The following PCCA variants were observed in gnomAD, a reference collection of about 807,000 sequenced individuals.
PCCA encodes propionyl-CoA carboxylase subunit alpha.
Under a neutral mutation model 101.3 loss-of-function variants are expected in PCCA, and 74 were observed. The ratio of observed to expected loss-of-function variants is 0.73; its 90% CI spans 0.61 to 0.89. The LOEUF (loss-of-function observed/expected upper bound fraction) is 0.89, where lower values mean the gene tolerates loss of function less well. PCCA is among the 40% of genes least tolerant of loss of function. PCCA has a pLI of 0.00. For missense variants in PCCA, 891 were observed against 907.0 expected, an observed-to-expected ratio of 0.98 and a Z score of 0.23; for synonymous variants, 294 against 313.6, an observed-to-expected ratio of 0.94 and a Z score of 0.66.
intron 8 of PCCA, among the ~76,000 whole-genome samples, chr13:100,239,485 CTT>C (rs2060994942): frequency 6.6e-6 from 1 of 152,266 alleles, no homozygotes; most frequent in South Asian, 2.1e-4. Flanking sequence ...ACAGTTAAGA[CTT>C]AATATGTTAC....
intron 8 of PCCA, among the ~76,000 whole-genome samples, chr13:100,238,349 G>T (rs1039085920): frequency 2.6e-5 from 4 of 152,106 alleles, no homozygotes; most frequent in South Asian, 2.1e-4. Flanking sequence ...ATATTTTAAT[G>T]CTGTGCTTTA....
chr13:100,517,624 G>A (rs779785250), intron 22 of PCCA, among the ~76,000 whole-genome samples: 2 of 152,182 alleles, frequency 1.3e-5, no homozygotes, highest in Non-Finnish European at 2.9e-5. Flanking sequence ...ACAGGCTCAG[G>A]ACCTCGGGAT....
chr13:100,149,513 T>C (rs2152367493), intron 4 of PCCA: 1 of 152,288 alleles, frequency 6.6e-6, no homozygotes, highest in African/African-American at 2.4e-5. Context: ...TTCAGGATAA[T>C]TTTCATTGGT....
In PCCA at chr13:100,341,973, A is replaced by ATATATATATATATGTATATG. The variant is rs1257478273; in HGVS notation, c.1643+1723_1643+1724insATATGTATATGTATATATAT. ...CCCTTCAAAGTATATATATATATAT[A>ATATATATATATATGTATATG]TATATATATGTATTTATGTGTGTGT... On this transcript the variant is annotated intron_variant, in intron 18 of 23. Coordinates refer to ENST00000376285, the MANE Select transcript of PCCA (RefSeq NM_000282.4). Among the ~76,000 whole-genome samples the ATATATATATATATGTATATG allele has an allele frequency of 2.5e-5, 3 of 121,884 alleles. No homozygotes were observed. The East Asian group carries it at 6.7e-4, about 27-fold the overall frequency. The allele number at this position is 121,884 out of a possible 152,430, so 80.0% of individuals were successfully genotyped here.
At chr13:100,092,107 A>T (rs2046335116) in intron 1 of PCCA, among the ~76,000 whole-genome samples, 2 of 151,904 alleles carry the variant, frequency 1.3e-5, no homozygotes, top group South Asian at 4.2e-4. Flanking sequence ...GTATTTTAGT[A>T]GAGATGGGGT....
At chr13:100,529,323 C>G (rs775133606) in intron 23 of PCCA, among the ~76,000 whole-genome samples, 18 of 152,156 alleles carry the variant, frequency 1.2e-4, no homozygotes, top group Non-Finnish European at 2.2e-4. Flanking sequence ...TGGAAAGCAG[C>G]CTTTTCAGTC....
At chr13:100,453,158 TG>T (rs2081455918) in intron 21 of PCCA, among the ~76,000 whole-genome samples, 1 of 152,018 alleles carries the variant, frequency 6.6e-6, no homozygotes, top group Admixed American at 6.6e-5. Context: ...CACTCCAGCC[TG>T]GGTGAGAGTG....
chr13:100,121,231 A>G (rs1225818516), intron 4 of PCCA, among the ~76,000 whole-genome samples: 2 of 133,876 alleles, frequency 1.5e-5, no homozygotes, highest in East Asian at 2.2e-4. Flanking sequence ...ATCTTGGCCC[A>G]CTGCAACCTC....
Position 100,302,726 on chromosome 13 carries a change from G to A in PCCA, c.1210-198G>A, listed in dbSNP as rs111433317. On this transcript the variant is annotated intron_variant, in intron 13 of 23. Transcript: ENST00000376285. ...TATGAACAAGGTCAGGCTAAATTCTGCTTACAGTTCTGTTTGATTTTTAAG... is the reference window on the plus strand; with the variant it reads ...TATGAACAAGGTCAGGCTAAATTCTACTTACAGTTCTGTTTGATTTTTAAG... Among the ~76,000 whole-genome samples the A allele has an allele frequency of 4.6e-5, 7 of 152,226 alleles. 1 individual carries two copies. Among genetic ancestry groups the A allele is most frequent in the African/African-American group, 1.7e-4 (7 of 41,550 alleles).
At chr13:100,262,167 T>C (rs1274620494) in intron 9 of PCCA, among the ~76,000 whole-genome samples, 1 of 152,030 alleles carries the variant, frequency 6.6e-6, no homozygotes, top group Admixed American at 6.5e-5. Context: ...CTGAGGCAGG[T>C]GGATCACCTT....
At chr13:100,112,897 T>C (rs1199160241) in intron 4 of PCCA, among the ~76,000 whole-genome samples, 1 of 151,744 alleles carries the variant, frequency 6.6e-6, no homozygotes, top group African/African-American at 2.4e-5. Flanking sequence ...TTTTTTTTAG[T>C]AGTAATGTTA....
chr13:100,273,869 T>TA (rs1213867153), intron 12 of PCCA, among the ~76,000 whole-genome samples: 2 of 152,222 alleles, frequency 1.3e-5, no homozygotes, highest in Non-Finnish European at 2.9e-5. Flanking sequence ...TCCTTAGTTC[T>TA]AACCAAATCT....
At chr13:100,472,725 G>C (rs558098517) in intron 21 of PCCA, among the ~76,000 whole-genome samples, 5 of 152,108 alleles carry the variant, frequency 3.3e-5, no homozygotes, top group Non-Finnish European at 4.4e-5. Flanking sequence ...TTAAGGCAGG[G>C]AAAATACTGG....
rs147127159 is a variant in PCCA, at chr13:100,494,010, G to A, written c.1900-21417G>A. Among the ~76,000 whole-genome samples the A allele has an allele frequency of 5.6e-3, 854 of 152,068 alleles. 7 individuals carry two copies. Among genetic ancestry groups the A allele is most frequent in the African/African-American group, 0.019 (799 of 41,464 alleles). ...TGGTGACCATCCTGGCCAACATGGT[G>A]AAACCCCATCTCTACTAAAAATACA... is the stretch of plus-strand genomic sequence containing the variant. On this transcript the variant is annotated intron_variant, in intron 21 of 23. Coordinates refer to ENST00000376285, the MANE Select transcript of PCCA (RefSeq NM_000282.4).
chr13:100,491,862 T>C, intron 21 of PCCA: 1 of 746,894 alleles, frequency 1.3e-6, no homozygotes, highest in African/African-American at 1.9e-5. Context: ...TTAGTGAATA[T>C]GAGTTAAATG....
chr13:100,150,844 A>T, intron 4 of PCCA: 1 of 1,582,034 alleles, frequency 6.3e-7, no homozygotes. Context: ...CATGATGGAC[A>T]GGCTTGCCAT....
intron 16 of PCCA, among the ~76,000 whole-genome samples, chr13:100,311,499 G>A (rs560130053): frequency 6.6e-6 from 1 of 152,256 alleles, no homozygotes; most frequent in South Asian, 2.1e-4. Context: ...GCCAGGCGTG[G>A]TGGCTCACGC....
At chr13:100,447,378 T>G (rs769034224) in intron 20 of PCCA, among the ~76,000 whole-genome samples, 60 of 140,740 alleles carry the variant, frequency 4.3e-4, no homozygotes, top group Non-Finnish European at 6.7e-4. Context: ...AGTGAAACTT[T>G]GTCTCAAAAA....
intron 20 of PCCA, among the ~76,000 whole-genome samples, chr13:100,448,855 T>C (rs375496979): frequency 6.6e-6 from 1 of 152,224 alleles, no homozygotes; most frequent in African/African-American, 2.4e-5. Flanking sequence ...TTGTAGTCAA[T>C]TCACAGGGGT....
Sources: allele counts gnomAD v4.1 joint callset (sites outside exome capture counted in the v4.1 genomes callset), GRCh38; gene constraint gnomAD v4.1.1; transcripts MANE v1.5; gene names NCBI Gene and HGNC (gene_info 2026-07-23, HGNC 2026-07-21).